ACVR1C: variants seen among roughly 807,000 people sequenced by gnomAD.
The protein encoded by ACVR1C is activin A receptor type 1C, also known as activin receptor type-1C.
A neutral mutation model predicts 57.9 loss-of-function variants in ACVR1C; 23 were observed. The observed-to-expected ratio is 0.40, with a 90% confidence interval of 0.29 to 0.56. The LOEUF is 0.56. Among genes scored for constraint, ACVR1C ranks in the 20% least tolerant of loss-of-function variants. The pLI is 0.50. For synonymous variants in ACVR1C, 214 were observed against 215.3 expected (o/e 0.99, Z 0.05); for missense variants, 480 against 607.9 (o/e 0.79, Z 2.21).
intron 2 of ACVR1C, among the ~76,000 whole-genome samples, chr2:157,566,766 C>T (rs1310881173): frequency 5.9e-5 from 9 of 151,778 alleles, no homozygotes; most frequent in Non-Finnish European, 1.2e-4. Context: ...AACTGCAAGG[C>T]GGCAACGAGG....
intron 3 of ACVR1C, among the ~76,000 whole-genome samples, chr2:157,553,260 A>T (rs546051065): frequency 1.5e-4 from 23 of 152,328 alleles, no homozygotes; most frequent in Non-Finnish European, 2.8e-4. Flanking sequence ...TCTGATTATC[A>T]AAGGCAGGGA....
intron 2 of ACVR1C, among the ~76,000 whole-genome samples, chr2:157,570,717 A>G (rs1197550475): frequency 1.4e-5 from 1 of 69,394 alleles, no homozygotes; most frequent in East Asian, 2.8e-4. Context: ...ATAAAAGAGG[A>G]CACAAACAAA....
chr2:157,534,066 C>A, intron 8 of ACVR1C, 23 bp from the exon 9 acceptor site: 2 of 1,491,372 alleles, frequency 1.3e-6, no homozygotes, highest in South Asian at 1.4e-5. Context: ...AAAAAAAAAT[C>A]AAAGACTTTA....
intron 1 of ACVR1C, among the ~76,000 whole-genome samples, chr2:157,588,980 A>G (rs776693373): frequency 2.0e-5 from 3 of 150,500 alleles, no homozygotes; most frequent in African/African-American, 4.9e-5. Flanking sequence ...ACTTAAATTG[A>G]TGCCATATCT....
chr2:157,533,044 G>A lies in ACVR1C; in HGVS notation c.*874C>T, dbSNP rs898416363. ...CAGATATGGTTCTGAGATTTTGTGC[G>A]GGTCCATTATGATTCTGCAAAATAA... On this transcript the variant is annotated 3_prime_UTR_variant, in exon 9 of 9. Coordinates refer to ENST00000243349, the MANE Select transcript of ACVR1C (RefSeq NM_145259.3). 3.9e-5 allele frequency: 6 copies of A among 152,146 alleles called. No individual in the cohort carries two copies. The highest frequency in any genetic ancestry group is 2.1e-4 in the South Asian group (1 of 4,826). The allele number at this position is 152,146 out of a possible 1,614,324, so 9.4% of individuals were successfully genotyped here.
intron 2 of ACVR1C, among the ~76,000 whole-genome samples, chr2:157,562,666 A>C (rs1021431737): frequency 6.6e-6 from 1 of 151,906 alleles, no homozygotes; most frequent in Admixed American, 6.6e-5. Context: ...GAGACACAAC[A>C]AAAAAAGAAA....
chr2:157,611,141 AC>A (rs1682523059), intron 1 of ACVR1C, among the ~76,000 whole-genome samples: 1 of 152,222 alleles, frequency 6.6e-6, no homozygotes, highest in Non-Finnish European at 1.5e-5. Flanking sequence ...TTCTGGCATA[AC>A]AGTTACTTCT....
intron 1 of ACVR1C, among the ~76,000 whole-genome samples, chr2:157,626,077 G>C (rs1682889345): frequency 6.6e-6 from 1 of 152,146 alleles, no homozygotes; most frequent in African/African-American, 2.4e-5. Flanking sequence ...AAGCAATTCT[G>C]TCTCAGCCTC....
intron 2 of ACVR1C, among the ~76,000 whole-genome samples, chr2:157,558,516 G>A (rs1244073484): frequency 6.6e-6 from 1 of 152,188 alleles, no homozygotes; most frequent in East Asian, 1.9e-4. Context: ...GCCAAAGATA[G>A]TAGTTTATCT....
intron 1 of ACVR1C, among the ~76,000 whole-genome samples, chr2:157,621,916 T>C (rs1682784227): frequency 6.6e-6 from 1 of 152,160 alleles, no homozygotes; most frequent in South Asian, 2.1e-4. Context: ...GTATTCAAGT[T>C]TGCCATGCTA....
chr2:157,578,248 G>A (rs1036102595), intron 2 of ACVR1C, among the ~76,000 whole-genome samples: 6 of 151,962 alleles, frequency 3.9e-5, no homozygotes, highest in African/African-American at 1.2e-4. Flanking sequence ...CCATTTTTCC[G>A]TACTGGAGAT....
At chr2:157,597,862 A>G (rs1358733184) in intron 1 of ACVR1C, among the ~76,000 whole-genome samples, 4 of 152,214 alleles carry the variant, frequency 2.6e-5, no homozygotes, top group African/African-American at 7.2e-5. Flanking sequence ...AAAGATCACC[A>G]TTCTAGCCCG....
At chr2:157,567,152 G>A (rs1227221039) in intron 2 of ACVR1C, among the ~76,000 whole-genome samples, 2 of 82,154 alleles carry the variant, frequency 2.4e-5, no homozygotes, top group East Asian at 6.0e-4. Flanking sequence ...TGCAGCTGAG[G>A]GTCCTGTCTG....
At chr2:157,557,684 T>C (rs1026606670) in intron 2 of ACVR1C, among the ~76,000 whole-genome samples, 8 of 152,170 alleles carry the variant, frequency 5.3e-5, no homozygotes, top group Non-Finnish European at 8.8e-5. Context: ...CTACTAGTGG[T>C]ATTCCTATAA....
intron 2 of ACVR1C, among the ~76,000 whole-genome samples, chr2:157,557,197 G>C (rs1688125420): frequency 6.6e-6 from 1 of 151,860 alleles, no homozygotes; most frequent in Non-Finnish European, 1.5e-5. Flanking sequence ...AAGAAGGAGT[G>C]ATGGTGGGAT....
At chr2:157,585,284 TAAAG>T (rs1437552037) in intron 2 of ACVR1C, among the ~76,000 whole-genome samples, 2 of 152,190 alleles carry the variant, frequency 1.3e-5, no homozygotes, top group Non-Finnish European at 2.9e-5. Context: ...ATATTCTCGA[TAAAG>T]AAACTATTTT....
intron 1 of ACVR1C, among the ~76,000 whole-genome samples, chr2:157,619,315 CA>C (rs1473520026): frequency 6.6e-6 from 1 of 150,702 alleles, no homozygotes; most frequent in Non-Finnish European, 1.5e-5. Flanking sequence ...CAGGTGGCTT[CA>C]AAAAATTACA....
chr2:157,548,737 G>A (rs1687831755), intron 4 of ACVR1C, among the ~76,000 whole-genome samples: 1 of 152,178 alleles, frequency 6.6e-6, no homozygotes, highest in South Asian at 2.1e-4. Flanking sequence ...TTAAATATCA[G>A]AAAGCTGATG....
intron 1 of ACVR1C, among the ~76,000 whole-genome samples, chr2:157,590,947 C>T (rs536505692): frequency 8.6e-4 from 131 of 152,042 alleles, no homozygotes; most frequent in Middle Eastern, 3.4e-3. Flanking sequence ...TATATCTCCT[C>T]ATAGTGTTGT....
Sources: allele counts gnomAD v4.1 joint callset (sites outside exome capture counted in the v4.1 genomes callset), GRCh38; gene constraint gnomAD v4.1.1; transcripts MANE v1.5; gene names NCBI Gene and HGNC (gene_info 2026-07-23, HGNC 2026-07-21).